The following MAPKAP1 variants were observed in gnomAD, a reference collection of about 807,000 sequenced individuals.
The protein encoded by MAPKAP1 is target of rapamycin complex 2 subunit MAPKAP1.
MAPKAP1 carries 20 observed loss-of-function variants against 65.7 expected under a neutral mutation model. The observed-to-expected ratio is 0.30, with a 90% confidence interval of 0.21 to 0.44. The LOEUF (loss-of-function observed/expected upper bound fraction) is 0.44, where lower values mean the gene tolerates loss of function less well. MAPKAP1 is among the 20% of genes least tolerant of loss of function. The probability of loss-of-function intolerance (pLI) is 1.00; values close to 1 mark genes in which losing one functional copy is unlikely to be tolerated. For missense variants in MAPKAP1, 423 were observed against 648.0 expected, an observed-to-expected ratio of 0.65 and a Z score of 3.77; for synonymous variants, 222 against 244.3, an observed-to-expected ratio of 0.91 and a Z score of 0.85.
At chr9:125,575,019 A>T (rs1473436438) in intron 5 of MAPKAP1, among the ~76,000 whole-genome samples, 1 of 152,226 alleles carries the variant, frequency 6.6e-6, no homozygotes, top group African/African-American at 2.4e-5. Flanking sequence ...GTACAGAAAG[A>T]TGTTAACACA....
chr9:125,602,779 T>C (rs1832336775), intron 4 of MAPKAP1, among the ~76,000 whole-genome samples: 1 of 152,130 alleles, frequency 6.6e-6, no homozygotes, highest in South Asian at 2.1e-4. Context: ...GCTCATTCCC[T>C]CTTAGAGCTG....
intron 10 of MAPKAP1, among the ~76,000 whole-genome samples, chr9:125,456,626 C>T (rs917605789): frequency 5.9e-5 from 9 of 152,222 alleles, no homozygotes; most frequent in African/African-American, 2.2e-4. Context: ...CTTGCTAGCA[C>T]TCTCTCACTC....
intron 7 of MAPKAP1, among the ~76,000 whole-genome samples, chr9:125,525,464 G>A (rs998063387): frequency 1.3e-5 from 2 of 151,998 alleles, no homozygotes; most frequent in Admixed American, 6.6e-5. Context: ...ACCTGAGGTC[G>A]GGGGTTCAAG....
intron 5 of MAPKAP1, among the ~76,000 whole-genome samples, chr9:125,580,844 T>C (rs1472175059): frequency 6.6e-6 from 1 of 152,202 alleles, no homozygotes; most frequent in Non-Finnish European, 1.5e-5. Flanking sequence ...AAGCTCTTTT[T>C]TACCACCCGT....
At chr9:125,611,411 G>GA (rs1418291546) in intron 4 of MAPKAP1, among the ~76,000 whole-genome samples, 1 of 151,102 alleles carries the variant, frequency 6.6e-6, no homozygotes, top group Non-Finnish European at 1.5e-5. Context: ...TAGGAAATAA[G>GA]AAAGAGAAAT....
intron 4 of MAPKAP1, among the ~76,000 whole-genome samples, chr9:125,594,809 G>A (rs757952064): frequency 6.6e-5 from 10 of 152,060 alleles, no homozygotes; most frequent in Admixed American, 3.9e-4. Context: ...ATGCTAGCTG[G>A]CTAAATCAAA....
At chr9:125,442,615 G>A (rs1430755695) in intron 11 of MAPKAP1, among the ~76,000 whole-genome samples, 1 of 151,120 alleles carries the variant, frequency 6.6e-6, no homozygotes, top group East Asian at 1.9e-4. Flanking sequence ...CTCTGCACAA[G>A]GGGCCCGTGC....
At chr9:125,475,707 C>A (rs1314277511) in intron 9 of MAPKAP1, among the ~76,000 whole-genome samples, 1 of 152,172 alleles carries the variant, frequency 6.6e-6, no homozygotes, top group East Asian at 1.9e-4. Flanking sequence ...GTTCTCTCTG[C>A]AGAGAAGGCA....
intron 6 of MAPKAP1, among the ~76,000 whole-genome samples, chr9:125,548,415 C>T (rs1373646702): frequency 6.6e-6 from 1 of 152,158 alleles, no homozygotes; most frequent in Admixed American, 6.5e-5. Flanking sequence ...AAAACGCAAA[C>T]ATCATTTAGC....
At chr9:125,692,448 A>G (rs1277161768) in intron 1 of MAPKAP1, among the ~76,000 whole-genome samples, 1 of 152,256 alleles carries the variant, frequency 6.6e-6, no homozygotes, top group Non-Finnish European at 1.5e-5. Context: ...GGAACAGGCA[A>G]ATCCATAGAG....
chr9:125,620,629 T>C (rs912883830), intron 4 of MAPKAP1, among the ~76,000 whole-genome samples: 4 of 152,180 alleles, frequency 2.6e-5, no homozygotes, highest in Admixed American at 1.3e-4. Flanking sequence ...AGAGAATTAG[T>C]TACATAAATT....
intron 4 of MAPKAP1, among the ~76,000 whole-genome samples, chr9:125,656,648 A>C (rs1834039875): frequency 6.6e-6 from 1 of 152,172 alleles, no homozygotes; most frequent in Non-Finnish European, 1.5e-5. Flanking sequence ...AAAATCAAGC[A>C]TAAGCAAAAA....
chr9:125,488,631 C>T (rs978060081), intron 8 of MAPKAP1, among the ~76,000 whole-genome samples: 3 of 152,200 alleles, frequency 2.0e-5, no homozygotes, highest in Non-Finnish European at 2.9e-5. Context: ...CAGGCGTGAG[C>T]CACCGTGCCC....
intron 5 of MAPKAP1, among the ~76,000 whole-genome samples, chr9:125,565,159 G>A (rs1036360358): frequency 6.6e-6 from 1 of 152,064 alleles, no homozygotes; most frequent in African/African-American, 2.4e-5. Context: ...TGTTCCATCA[G>A]ATAAGATTAA....
chr9:125,706,282 T>C (rs1013735980), intron 1 of MAPKAP1, among the ~76,000 whole-genome samples: 2 of 151,980 alleles, frequency 1.3e-5, no homozygotes, highest in African/African-American at 4.8e-5. Flanking sequence ...ATTTGACTCT[T>C]CACACCTGGG....
At chr9:125,566,088 G>A (rs1831044040) in intron 5 of MAPKAP1, among the ~76,000 whole-genome samples, 1 of 152,164 alleles carries the variant, frequency 6.6e-6, no homozygotes, top group Non-Finnish European at 1.5e-5. Context: ...CTGAAGAAGG[G>A]CCTCCTTGGC....
chr9:125,632,624 T>C (rs923419489), intron 4 of MAPKAP1, among the ~76,000 whole-genome samples: 6 of 150,000 alleles, frequency 4.0e-5, no homozygotes, highest in South Asian at 2.1e-4. Context: ...AAGACCACTT[T>C]AGTCCCTGAC....
chr9:125,568,333 C>T (rs1047153382), intron 5 of MAPKAP1, among the ~76,000 whole-genome samples: 2 of 152,086 alleles, frequency 1.3e-5, no homozygotes, highest in Admixed American at 6.5e-5. Context: ...TGTACTGGAT[C>T]GTGGGATATG....
At chr9:125,665,212 G>A (rs1324602615) in intron 3 of MAPKAP1, among the ~76,000 whole-genome samples, 1 of 152,156 alleles carries the variant, frequency 6.6e-6, no homozygotes, top group Non-Finnish European at 1.5e-5. Flanking sequence ...GGAGGCTGAG[G>A]CACAAGAATT....
Sources: gnomAD v4.1 joint callset for allele counts (sites outside exome capture counted in the v4.1 genomes callset) on GRCh38, gnomAD v4.1.1 for gene constraint, MANE v1.5 for transcripts, NCBI Gene and HGNC (gene_info 2026-07-23, HGNC 2026-07-21) for gene names.